DOK6: variants seen among roughly 807,000 people sequenced by gnomAD.
DOK6 encodes the protein downstream of tyrosine kinase 6.
Under a neutral mutation model 44.0 loss-of-function variants are expected in DOK6, and 22 were observed. That is an observed-to-expected ratio of 0.50 (90% confidence interval 0.36 to 0.71). The LOEUF is 0.71. Ranked by LOEUF, DOK6 falls within the 30% of genes least tolerant of loss-of-function variation. The pLI is 0.00. For missense variants in DOK6, 340 were observed against 416.4 expected, an observed-to-expected ratio of 0.82 and a Z score of 1.60; for synonymous variants, 166 against 145.5, an observed-to-expected ratio of 1.14 and a Z score of -1.01.
intron 1 of DOK6, among the ~76,000 whole-genome samples, chr18:69,478,599 T>C (rs976696890): frequency 4.6e-5 from 7 of 152,226 alleles, no homozygotes; most frequent in African/African-American, 7.2e-5. Flanking sequence ...ATTGTAAGAT[T>C]AGTGTTGTTT....
intron 7 of DOK6, among the ~76,000 whole-genome samples, chr18:69,818,392 G>GA (rs1981464741): frequency 6.6e-6 from 1 of 152,166 alleles, no homozygotes; most frequent in South Asian, 2.1e-4. Flanking sequence ...TAAATATTAA[G>GA]AGGCTTATTT....
chr18:69,637,635 A>G (rs1984839264), intron 3 of DOK6, among the ~76,000 whole-genome samples: 1 of 152,210 alleles, frequency 6.6e-6, no homozygotes, highest in African/African-American at 2.4e-5. Context: ...ATTGGGTCAC[A>G]AACATTTTAT....
intron 1 of DOK6, among the ~76,000 whole-genome samples, chr18:69,530,345 C>T (rs1257138956): frequency 1.3e-5 from 2 of 151,974 alleles, no homozygotes; most frequent in Non-Finnish European, 2.9e-5. Context: ...CTTTGTATGC[C>T]CTGTATGCTT....
chr18:69,677,639 C>G (rs1284647707), intron 3 of DOK6, 95 bp from the exon 4 acceptor site: 4 of 1,592,650 alleles, frequency 2.5e-6, no homozygotes, highest in Non-Finnish European at 2.6e-6. Flanking sequence ...GTTCTTAACT[C>G]TTGCCAGTTA....
At chr18:69,808,774 T>G (rs956699131) in intron 7 of DOK6, among the ~76,000 whole-genome samples, 1 of 151,718 alleles carries the variant, frequency 6.6e-6, no homozygotes, top group Non-Finnish European at 1.5e-5. Flanking sequence ...CAATAACAAG[T>G]ACAAAGATTG....
intron 4 of DOK6, among the ~76,000 whole-genome samples, chr18:69,681,055 C>T (rs1986032774): frequency 1.3e-5 from 2 of 152,146 alleles, no homozygotes; most frequent in African/African-American, 2.4e-5. Flanking sequence ...AAAGAATTAG[C>T]ACGATAGATT....
chr18:69,518,730 A>T (rs903170606), intron 1 of DOK6, among the ~76,000 whole-genome samples: 22 of 152,168 alleles, frequency 1.4e-4, no homozygotes, highest in African/African-American at 4.8e-4. Context: ...ATCTTTAAAA[A>T]CATTTCTAAA....
At chr18:69,546,218 G>A (rs1414542439) in intron 1 of DOK6, among the ~76,000 whole-genome samples, 4 of 150,102 alleles carry the variant, frequency 2.7e-5, no homozygotes, top group Non-Finnish European at 5.9e-5. Flanking sequence ...TCGAGGTTGC[G>A]GTGACCCGAG....
At chr18:69,672,544 T>A (rs10451410) in intron 3 of DOK6, among the ~76,000 whole-genome samples, 3 of 151,620 alleles carry the variant, frequency 2.0e-5, no homozygotes, top group Non-Finnish European at 4.4e-5. Context: ...TTTTAGTAGA[T>A]TCGGGGTTTC....
rs1053527303 is a variant in DOK6 at position 69,799,924 on chromosome 18, A to C, written c.857-41320A>C. ...ATTTGACTTTAATATAAAAGCAAAT[A>C]AAATTAATTATAATAGCTGTCTTTC... On this transcript the variant is annotated intron_variant, in intron 7 of 7. Transcript: ENST00000382713. Among the ~76,000 whole-genome samples the C allele has an allele frequency of 3.3e-5, 5 of 152,290 alleles. No homozygotes were observed. The East Asian group carries it at 5.8e-4, about 18-fold the overall frequency.
intron 1 of DOK6, among the ~76,000 whole-genome samples, chr18:69,507,197 T>G (rs542869359): frequency 6.6e-6 from 1 of 152,114 alleles, no homozygotes; most frequent in East Asian, 1.9e-4. Context: ...CTTGCTAATT[T>G]TTTGTATTTT....
chr18:69,522,854 GA>G (rs1268395297), intron 1 of DOK6, among the ~76,000 whole-genome samples: 1 of 152,082 alleles, frequency 6.6e-6, no homozygotes, highest in East Asian at 1.9e-4. Context: ...ATGTGATGGA[GA>G]AAAGTATATC....
intron 1 of DOK6, among the ~76,000 whole-genome samples, chr18:69,434,891 C>T (rs1397282729): frequency 7.4e-6 from 1 of 134,292 alleles, no homozygotes; most frequent in Non-Finnish European, 1.5e-5. Context: ...CACTGCACTC[C>T]AGTCTGGCGA....
At position 69,459,966 on chromosome 18, in the gene DOK6, C is replaced by T. The variant is rs937711446; in HGVS notation, c.66+58656C>T. 2.5e-4 allele frequency among the ~76,000 whole-genome samples: 38 copies of T among 152,246 alleles called. No homozygotes were observed. The East Asian group carries it at 4.4e-3, about 18-fold the overall frequency. On this transcript the variant is annotated intron_variant, in intron 1 of 7. Coordinates refer to ENST00000382713, the MANE Select transcript of DOK6 (RefSeq NM_152721.6). ...CTATTTCTTTAATAGCATTTAGGAA[C>T]TCTTTTATAAAATTTAATTTATAAC...
At position 69,830,578 on chromosome 18, in the gene DOK6, T is replaced by A. The variant is rs1342410220; in HGVS notation, c.857-10666T>A. On this transcript the variant is annotated intron_variant, in intron 7 of 7. Coordinates refer to ENST00000382713, the MANE Select transcript of DOK6 (RefSeq NM_152721.6). ...CTTGGACTTCCAGCCTATAAAACTTTGAGAAAATAAATGTGGCTGAAGCTA... is the reference window on the plus strand; with the variant it reads ...CTTGGACTTCCAGCCTATAAAACTTAGAGAAAATAAATGTGGCTGAAGCTA... Among the ~76,000 whole-genome samples the A allele has an allele frequency of 2.6e-5, 4 of 152,168 alleles. No individual in the cohort carries two copies. In the East Asian group the frequency reaches 7.7e-4, roughly 29 times the overall value.
At chr18:69,710,128 A>G (rs1022332301) in intron 5 of DOK6, among the ~76,000 whole-genome samples, 1 of 152,226 alleles carries the variant, frequency 6.6e-6, no homozygotes, top group South Asian at 2.1e-4. Context: ...GCACTGAGCC[A>G]TGTTCATGCC....
chr18:69,431,791 A>G (rs1978813439), intron 1 of DOK6, among the ~76,000 whole-genome samples: 2 of 152,226 alleles, frequency 1.3e-5, no homozygotes, highest in Admixed American at 1.3e-4. Flanking sequence ...TGTTGGGTCA[A>G]AGTTATATAT....
chr18:69,752,071 A>G (rs570916330), intron 6 of DOK6, among the ~76,000 whole-genome samples: 4 of 152,276 alleles, frequency 2.6e-5, no homozygotes, highest in African/African-American at 9.6e-5. Flanking sequence ...TAACCTAAGA[A>G]AAACAGCAGG....
intron 3 of DOK6, among the ~76,000 whole-genome samples, chr18:69,615,195 A>G (rs1984257403): frequency 6.6e-6 from 1 of 152,190 alleles, no homozygotes; most frequent in Admixed American, 6.5e-5. Context: ...AATCAATTTT[A>G]TTGCATTTAA....
Sources: allele counts gnomAD v4.1 joint callset (sites outside exome capture counted in the v4.1 genomes callset), GRCh38; gene constraint gnomAD v4.1.1; transcripts MANE v1.5; gene names NCBI Gene and HGNC (gene_info 2026-07-23, HGNC 2026-07-21).